PKD1L3: variants seen among roughly 807,000 people sequenced by gnomAD.
The protein encoded by PKD1L3 is polycystin 1 like 3, transient receptor potential channel interacting, also known as polycystin-1-like protein 3.
PKD1L3 carries 239 observed loss-of-function variants against 184.1 expected under a neutral mutation model. The observed-to-expected ratio is 1.30, with a 90% CI of 1.17 to 1.45. PKD1L3 has a LOEUF of 1.45. PKD1L3 is among the 40% of genes most tolerant of loss of function. The probability of loss-of-function intolerance (pLI) is 0.00; values close to 1 mark genes in which losing one functional copy is unlikely to be tolerated. For synonymous variants in PKD1L3, 996 were observed against 778.8 expected, an observed-to-expected ratio of 1.28 and a Z score of -4.64; for missense variants, 2,660 against 2,067.2, an observed-to-expected ratio of 1.29 and a Z score of -5.56.
At chr16:71,940,091 G>A (rs1390748006) in intron 24 of PKD1L3, among the ~76,000 whole-genome samples, 1 of 150,950 alleles carries the variant, frequency 6.6e-6, no homozygotes, top group Non-Finnish European at 1.5e-5. Context: ...AGTTCAGGTG[G>A]AACTGAAAAT....
chr16:71,943,892 G>T, intron 23 of PKD1L3, 138 bp downstream of exon 23: 3 of 1,068,724 alleles, frequency 2.8e-6, no homozygotes, highest in Non-Finnish European at 4.0e-6. Context: ...TGCTTTACTG[G>T]AATCCCAAAT....
intron 16 of PKD1L3, among the ~76,000 whole-genome samples, chr16:71,958,347 A>C (rs1312831694): frequency 2.7e-5 from 4 of 147,056 alleles, no homozygotes; most frequent in Non-Finnish European, 6.0e-5. Context: ...AGATCCCGCC[A>C]CTGCACTCCA....
intron 11 of PKD1L3, among the ~76,000 whole-genome samples, chr16:71,976,309 G>T (rs1303731690): frequency 4.1e-5 from 5 of 120,628 alleles, no homozygotes; most frequent in South Asian, 5.6e-4. Context: ...AGCCTGGAGC[G>T]CAATGGTGCG....
chr16:71,984,165 G>T lies in PKD1L3; in HGVS notation c.837C>A (p.Val279=). 1 of 1,550,972 alleles carries T rather than the reference G, an allele frequency of 6.4e-7. No homozygotes were observed. Among genetic ancestry groups the T allele is most frequent in the South Asian group, 1.2e-5 (1 of 84,004 alleles). ...TGAAGTTCCCTGCTATCTCATCTAT[G>T]ACCTATTGGGAACAAAGAAGTTGTC... The part of the protein sequence containing the change: ...QVSLQKASGQ[V]IDEIAGNFSR... The change falls in exon 6 of 30, where the codon GTC becomes GTA. Residue 279 remains valine, a splice_region_variant and synonymous_variant. Transcript: ENST00000620267.
At chr16:71,951,842 G>C in intron 18 of PKD1L3, 98 bp from the exon 19 acceptor site, 17 of 1,136,514 alleles carry the variant, frequency 1.5e-5, no homozygotes, top group Non-Finnish European at 2.1e-5. Context: ...TCGTCAGAAG[G>C]GGATATGCTT....
chr16:71,984,294 A>G lies in PKD1L3; in HGVS notation c.835-127T>C, dbSNP rs538691939. 2.3e-5 allele frequency: 20 copies of G among 864,906 alleles called. No individual in the cohort carries two copies. The African/African-American group carries it at 3.4e-4, about 15-fold the overall frequency. 53.6% of individuals were successfully genotyped at this position (864,906 alleles called of 1,614,324 possible). A position where few individuals can be genotyped will look rare whatever the true frequency, so the allele number is the denominator to read the frequency against. On this transcript the variant is annotated intron_variant, in intron 5 of 29. Coordinates refer to ENST00000620267, the MANE Select transcript of PKD1L3 (RefSeq NM_181536.2). ...TAAACCCTATGAACCACAGCTCTCT[A>G]AAACAGTGATTACTTTCAGAAGCTT... is the stretch of plus-strand genomic sequence containing the variant.
intron 18 of PKD1L3, 106 bp from the exon 19 acceptor site, chr16:71,951,850 C>G (rs2038847525): frequency 9.6e-7 from 1 of 1,044,874 alleles, no homozygotes; most frequent in African/African-American, 1.6e-5. Flanking sequence ...AGGGGATATG[C>G]TTAGCACAAA....
chr16:71,998,609 C>T (rs1487983761), intron 1 of PKD1L3, among the ~76,000 whole-genome samples: 1 of 152,152 alleles, frequency 6.6e-6, no homozygotes, highest in Non-Finnish European at 1.5e-5. Context: ...CGCCACCACG[C>T]CCAGCTAATT....
Position 71,963,320 on chromosome 16 carries a change from C to A in PKD1L3, c.2497G>T (p.Ala833Ser), listed in dbSNP as rs1488218665. Reference sequence around the variant, plus strand: ...AGGAAATGCCACTTCCTCTTAACTGCCATGTCACAGACAATTACCTGGCTG... The same window carrying A: ...AGGAAATGCCACTTCCTCTTAACTGACATGTCACAGACAATTACCTGGCTG... ...YVSQVIVCDM[A>S]VKRKWHFLCN... The change falls in exon 16 of 30, where the codon GCA becomes TCA. Residue 833 changes from alanine (A) to serine (S), a missense_variant. Ala to Ser is a moderately conservative substitution (Grantham distance 99, BLOSUM62 1). Coordinates refer to ENST00000620267, the MANE Select transcript of PKD1L3 (RefSeq NM_181536.2). 11 of 1,550,854 alleles carry A rather than the reference C, an allele frequency of 7.1e-6. No homozygotes were observed. Among genetic ancestry groups the A allele is most frequent in the Non-Finnish European group, 7.8e-6 (9 of 1,146,588 alleles).
At chr16:71,947,326 G>GTGAA (rs2038655827) in intron 22 of PKD1L3, among the ~76,000 whole-genome samples, 166 bp downstream of exon 22, 1 of 152,156 alleles carries the variant, frequency 6.6e-6, no homozygotes, top group African/African-American at 2.4e-5. Flanking sequence ...GATGACTGAG[G>GTGAA]TGAAGATCCT....
chr16:71,939,612 T>C (rs1290335497), intron 24 of PKD1L3, among the ~76,000 whole-genome samples: 1 of 152,190 alleles, frequency 6.6e-6, no homozygotes, highest in Non-Finnish European at 1.5e-5. Flanking sequence ...AAAAACCCCA[T>C]GAAGACCCTT....
At chr16:71,982,681 C>T (rs1035173581) in intron 6 of PKD1L3, among the ~76,000 whole-genome samples, 1 of 152,100 alleles carries the variant, frequency 6.6e-6, no homozygotes, top group Non-Finnish European at 1.5e-5. Context: ...ACTGCAGCCT[C>T]GAACTTCTGG....
Position 71,967,281 on chromosome 16 carries a change from C to T in PKD1L3, c.2321G>A (p.Ser774Asn). 4.5e-6 allele frequency: 7 copies of T among 1,551,642 alleles called. No homozygotes were observed. Among genetic ancestry groups the T allele is most frequent in the Non-Finnish European group, 6.1e-6 (7 of 1,146,942 alleles). ...VITLYGSEGR[S>N]EPHHLCDPQK... is the part of the protein sequence containing the mutation. ...GGGGTCACAGAGGTGATGGGGCTCA[C>T]TCCGTCCCTCTGATCCATAGAGGGT... Residue 774 changes from serine to asparagine, a missense_variant, in exon 15 of 30, where the codon AGT (serine) becomes AAT (asparagine). Physicochemically the swap from Ser to Asn is conservative, Grantham distance 46. Coordinates refer to ENST00000620267, the MANE Select transcript of PKD1L3 (RefSeq NM_181536.2).
rs200921195 is a variant in PKD1L3, at chr16:71,944,701, G to GTTT, written c.3719-534_3719-532dup. On this transcript the variant is annotated intron_variant, in intron 22 of 29. Transcript: ENST00000620267. ...CATAGCAAGACCATATCTGTTTTTT[G>GTTT]TTTGTTTTTTTTTTTTGAGACGGAG... Among the ~76,000 whole-genome samples, 161 of 141,110 alleles carry GTTT rather than the reference G, an allele frequency of 1.1e-3. 14 individuals carry two copies. Among genetic ancestry groups the GTTT allele is most frequent in the Non-Finnish European group, 1.5e-3 (100 of 65,378 alleles). 92.6% of individuals were successfully genotyped at this position (141,110 alleles called of 152,430 possible).
At position 71,950,003 on chromosome 16, in the gene PKD1L3, A is replaced by T. The variant is rs1474909151; in HGVS notation, c.3398T>A (p.Phe1133Tyr). Residue 1133 changes from phenylalanine (F) to tyrosine (Y), a missense_variant, in exon 21 of 30, where the codon TTT becomes TAT. Coordinates refer to ENST00000620267, the MANE Select transcript of PKD1L3 (RefSeq NM_181536.2). ...TCCTTCTTCTGAGCTCAGGATGGCA[A>T]AACTGGTGACTTCCCTGAAGCACAA... Reference protein sequence around the residue: ...EQEPSREVTSFAILSSEEGKK... With the variant: ...EQEPSREVTSYAILSSEEGKK... The T allele has an allele frequency of 1.9e-6, 3 of 1,551,472 alleles. No homozygotes were observed. The highest frequency in any genetic ancestry group is 2.6e-6 in the Non-Finnish European group (3 of 1,147,002).
rs935635178 is a variant in PKD1L3 at position 71,999,897 on chromosome 16, G to C, written c.82C>G (p.Pro28Ala). 1.3e-6 allele frequency: 2 copies of C among 1,551,636 alleles called. No homozygotes were observed. Among genetic ancestry groups the C allele is most frequent in the Admixed American group, 2.0e-5 (1 of 50,994 alleles). The change falls in exon 1 of 30, where the codon CCA (proline) becomes GCA (alanine). Residue 28 changes from proline (P) to alanine (A), a missense_variant. By Grantham distance (27) the Pro-to-Ala change is conservative. Transcript: ENST00000620267. ...TGGTAACAATTATTTTGCCCATGTG[G>C]TGCTGGGCTGTTTAGCTCACTTCCT... ...ILGSELNSPAPHGQNNCYQLN... is the reference protein window; with the variant it reads ...ILGSELNSPAAHGQNNCYQLN...
In PKD1L3 at chr16:71,978,315, A is replaced by G. The variant is rs969901995; in HGVS notation, c.1467T>C (p.Ser489=). The G allele has an allele frequency of 3.2e-6, 5 of 1,550,832 alleles. No individual in the cohort carries two copies. The highest frequency in any genetic ancestry group is 4.4e-6 in the Non-Finnish European group (5 of 1,146,564). Residue 489 remains serine, a synonymous_variant, in exon 10 of 30, where the codon AGT becomes AGC. Transcript: ENST00000620267. ...DNRNIVGSIG[S]VLLSANRKLL... is the part of the protein sequence containing the mutation. ...ATTTACGATTAGCGCTTAGTAACACACTTCCAATGCTTCCAACAATGTTTC... is the reference window on the plus strand; with the variant it reads ...ATTTACGATTAGCGCTTAGTAACACGCTTCCAATGCTTCCAACAATGTTTC...
chr16:71,945,364 A>G (rs1397608656), intron 22 of PKD1L3, among the ~76,000 whole-genome samples: 12 of 77,152 alleles, frequency 1.6e-4, no homozygotes, highest in South Asian at 6.5e-4. Context: ...ATGTATTTAT[A>G]TACACACACG....
At chr16:71,934,263 A>G (rs1032369106) in intron 26 of PKD1L3, 138 bp from the exon 27 acceptor site, 6 of 746,120 alleles carry the variant, frequency 8.0e-6, no homozygotes, top group South Asian at 1.7e-5. Context: ...ACTGCTTTCT[A>G]TTGTGGCCTC....
Sources: allele counts gnomAD v4.1 joint callset (sites outside exome capture counted in the v4.1 genomes callset), GRCh38; gene constraint gnomAD v4.1.1; transcripts MANE v1.5; gene names NCBI Gene and HGNC (gene_info 2026-07-23, HGNC 2026-07-21).